The following STK32B variants were observed in gnomAD, a reference collection of about 807,000 sequenced individuals.
STK32B encodes the protein serine/threonine kinase 32B.
In STK32B, 43 loss-of-function variants were observed where a neutral mutation model predicts 52.6. The ratio of observed to expected loss-of-function variants is 0.82; its 90% CI spans 0.64 to 1.05. STK32B has a LOEUF of 1.05. Among genes scored for constraint, STK32B ranks in the 50% least tolerant of loss-of-function variants. The pLI is 0.00. For missense variants in STK32B, 621 were observed against 534.6 expected (o/e 1.16, Z -1.59); for synonymous variants, 238 against 204.3 (o/e 1.17, Z -1.41).
chr4:5,212,302 C>T (rs910703232), intron 3 of STK32B, among the ~76,000 whole-genome samples: 1 of 152,122 alleles, frequency 6.6e-6, no homozygotes. Context: ...AAAGTCAGAA[C>T]CAGGATTCAG....
rs541390524 is a variant in STK32B at position 5,304,779 on chromosome 4, G to A, written c.261-26441G>A. On this transcript the variant is annotated intron_variant, in intron 3 of 11. Coordinates refer to ENST00000282908, the MANE Select transcript of STK32B (RefSeq NM_018401.3). ...TTGTTCCAGTTATCGGGGAGGGGGGGTGCTTTCAACTTTTTTCCCATTCAG... is the reference window on the plus strand; with the variant it reads ...TTGTTCCAGTTATCGGGGAGGGGGGATGCTTTCAACTTTTTTCCCATTCAG... Among the ~76,000 whole-genome samples, 404 of 147,792 alleles carry A rather than the reference G, an allele frequency of 2.7e-3. 1 individual carries two copies. Among genetic ancestry groups the A allele is most frequent in the African/African-American group, 9.9e-3 (380 of 38,452 alleles).
chr4:5,205,701 CGCGTGTGTGTGT>C (rs1332896652), intron 3 of STK32B, among the ~76,000 whole-genome samples: 6 of 74,358 alleles, frequency 8.1e-5, no homozygotes, highest in Admixed American at 1.6e-4. Context: ...CAGGCGCGCG[CGCGTGTGTGTGT>C]GTGTGTGTGT....
chr4:5,293,156 G>A (rs1426517172), intron 3 of STK32B, among the ~76,000 whole-genome samples: 3 of 152,130 alleles, frequency 2.0e-5, no homozygotes, highest in African/African-American at 7.2e-5. Context: ...ATTCCATGGT[G>A]TATAAGTACC....
At chr4:5,053,433 C>T (rs772829004) in intron 1 of STK32B, among the ~76,000 whole-genome samples, 11 of 152,296 alleles carry the variant, frequency 7.2e-5, no homozygotes, top group East Asian at 5.8e-4. Flanking sequence ...CTCAATTGCA[C>T]GGGCTTGTGG....
intron 11 of STK32B, among the ~76,000 whole-genome samples, chr4:5,468,975 G>A (rs910195454): frequency 1.2e-4 from 18 of 151,876 alleles, no homozygotes; most frequent in African/African-American, 2.4e-4. Flanking sequence ...GTGTGAACCC[G>A]GGAGGCAGAG....
intron 4 of STK32B, among the ~76,000 whole-genome samples, chr4:5,338,391 T>C (rs1732845724): frequency 6.6e-6 from 1 of 152,226 alleles, no homozygotes; most frequent in Non-Finnish European, 1.5e-5. Flanking sequence ...TGCGATGCTG[T>C]ACTTCCTAAA....
At chr4:5,258,919 G>T (rs1390067725) in intron 3 of STK32B, among the ~76,000 whole-genome samples, 1 of 152,170 alleles carries the variant, frequency 6.6e-6, no homozygotes, top group Non-Finnish European at 1.5e-5. Flanking sequence ...GCTCCATGTG[G>T]TGAGTGCCTG....
chr4:5,433,224 C>T (rs1377473975), intron 6 of STK32B, among the ~76,000 whole-genome samples: 1 of 151,986 alleles, frequency 6.6e-6, no homozygotes, highest in African/African-American at 2.4e-5. Context: ...GTCTTGGTGA[C>T]CAATCAAATG....
chr4:5,183,010 G>C (rs186894286), intron 3 of STK32B, among the ~76,000 whole-genome samples: 125 of 152,302 alleles, frequency 8.2e-4, no homozygotes, highest in African/African-American at 2.8e-3. Flanking sequence ...TCTGTAATCA[G>C]ATGTGCTGTC....
chr4:5,472,250 T>C (rs1717901724), intron 11 of STK32B, among the ~76,000 whole-genome samples: 1 of 152,138 alleles, frequency 6.6e-6, no homozygotes, highest in African/African-American at 2.4e-5. Context: ...GCGGGGAGGA[T>C]TACCAAACAG....
chr4:5,188,117 A>G (rs1191402461), intron 3 of STK32B, among the ~76,000 whole-genome samples: 2 of 152,202 alleles, frequency 1.3e-5, no homozygotes, highest in Admixed American at 6.5e-5. Flanking sequence ...AGCAGCATAC[A>G]TTATTATTCT....
chr4:5,465,591 AG>A (rs1457990944), intron 9 of STK32B, among the ~76,000 whole-genome samples: 1 of 152,218 alleles, frequency 6.6e-6, no homozygotes, highest in Non-Finnish European at 1.5e-5. Context: ...CACCATGGTC[AG>A]GCATCCACCG....
chr4:5,277,036 T>C (rs1727868684), intron 3 of STK32B, among the ~76,000 whole-genome samples: 4 of 152,238 alleles, frequency 2.6e-5, no homozygotes, highest in Admixed American at 2.6e-4. Flanking sequence ...CCAGATGAAC[T>C]TTTATCTTAT....
intron 2 of STK32B, among the ~76,000 whole-genome samples, chr4:5,142,751 T>C (rs1716572439): frequency 6.6e-6 from 1 of 152,252 alleles, no homozygotes; most frequent in African/African-American, 2.4e-5. Flanking sequence ...TCAACTGGGC[T>C]AGGCCGTGGT....
chr4:5,109,676 G>A (rs566121148), intron 1 of STK32B, among the ~76,000 whole-genome samples: 8 of 152,326 alleles, frequency 5.3e-5, no homozygotes, highest in African/African-American at 1.2e-4. Context: ...CCAGCATCAT[G>A]TTGAATGAGG....
At position 5,108,944 on chromosome 4, in the gene STK32B, A is replaced by G. The variant is rs369951399; in HGVS notation, c.53-30961A>G. ...TGAATAATGGAAACCTGAAATGGCA[A>G]TTTCTATGCAAACACTCCCAAGGCT... On this transcript the variant is annotated intron_variant, in intron 1 of 11. Transcript: ENST00000282908. Among the ~76,000 whole-genome samples the G allele has an allele frequency of 3.9e-5, 6 of 152,306 alleles. No homozygotes were observed. In the South Asian group the frequency reaches 1.0e-3, roughly 26 times the overall value.
At chr4:5,157,159 A>G (rs1402258123) in intron 2 of STK32B, among the ~76,000 whole-genome samples, 1 of 152,150 alleles carries the variant, frequency 6.6e-6, no homozygotes, top group Admixed American at 6.5e-5. Context: ...ATTCTTTTAG[A>G]ATCTTATTGA....
At chr4:5,445,768 T>C (rs1419383209) in intron 6 of STK32B, among the ~76,000 whole-genome samples, 3 of 152,158 alleles carry the variant, frequency 2.0e-5, no homozygotes, top group Admixed American at 2.0e-4. Context: ...TCCAACCCAT[T>C]TGTTTTCAGC....
At chr4:5,082,114 A>G (rs1009320604) in intron 1 of STK32B, among the ~76,000 whole-genome samples, 1 of 150,840 alleles carries the variant, frequency 6.6e-6, no homozygotes, top group African/African-American at 2.4e-5. Context: ...TGCCTGCTCT[A>G]CATCTTTTTT....
Sources: gnomAD v4.1 joint callset for allele counts (sites outside exome capture counted in the v4.1 genomes callset) on GRCh38, gnomAD v4.1.1 for gene constraint, MANE v1.5 for transcripts, NCBI Gene and HGNC (gene_info 2026-07-23, HGNC 2026-07-21) for gene names.